Variants in RBMS3 observed in about 807,000 individuals in gnomAD.
RBMS3 encodes the protein RNA-binding motif, single-stranded-interacting protein 3.
Under a neutral mutation model 66.8 loss-of-function variants are expected in RBMS3, and 27 were observed. The ratio of observed to expected loss-of-function variants is 0.40; its 90% CI spans 0.30 to 0.56. RBMS3 has a LOEUF of 0.56. RBMS3 is among the 20% of genes least tolerant of loss of function. The pLI is 0.40. For missense variants in RBMS3, 513 were observed against 549.5 expected, an observed-to-expected ratio of 0.93 and a Z score of 0.66; for synonymous variants, 188 against 183.0, an observed-to-expected ratio of 1.03 and a Z score of -0.22.
chr3:29,605,167 A>G (rs1421589568), intron 4 of RBMS3, among the ~76,000 whole-genome samples: 3 of 151,832 alleles, frequency 2.0e-5, no homozygotes, highest in Non-Finnish European at 4.4e-5. Flanking sequence ...CCTTTGAAAT[A>G]CAATCTGAAA....
At chr3:29,859,974 T>C in intron 6 of RBMS3, among the ~76,000 whole-genome samples, 1 of 152,186 alleles carries the variant, frequency 6.6e-6, no homozygotes, top group Non-Finnish European at 1.5e-5. Context: ...AAAGTGGACG[T>C]TTCCTAACAA....
chr3:29,932,794 T>G (rs2061163676), intron 10 of RBMS3, among the ~76,000 whole-genome samples: 1 of 152,186 alleles, frequency 6.6e-6, no homozygotes, highest in Non-Finnish European at 1.5e-5. Flanking sequence ...TTTCTGGCCT[T>G]AGGTCAGATA....
chr3:29,853,396 AT>A (rs1235133413), intron 6 of RBMS3, among the ~76,000 whole-genome samples: 6 of 124,464 alleles, frequency 4.8e-5, no homozygotes, highest in Non-Finnish European at 1.0e-4. Context: ...TAAAATTCAT[AT>A]TGTATCTTAA....
At chr3:29,857,006 C>T (rs1418052150) in intron 6 of RBMS3, among the ~76,000 whole-genome samples, 2 of 152,112 alleles carry the variant, frequency 1.3e-5, no homozygotes, top group Non-Finnish European at 2.9e-5. Flanking sequence ...AGAAAAAATA[C>T]CATCTCAGGT....
At chr3:29,712,439 A>T (rs1003941832) in intron 4 of RBMS3, among the ~76,000 whole-genome samples, 4 of 152,010 alleles carry the variant, frequency 2.6e-5, no homozygotes, top group Non-Finnish European at 5.9e-5. Context: ...CAGCCTCCCA[A>T]GTAGCTCGGG....
At chr3:29,755,648 C>T (rs1046873185) in intron 5 of RBMS3, among the ~76,000 whole-genome samples, 2 of 152,182 alleles carry the variant, frequency 1.3e-5, no homozygotes, top group Non-Finnish European at 2.9e-5. Flanking sequence ...GCCAGAGCCT[C>T]AGAGGAGGGC....
chr3:29,792,991 C>G (rs891498928), intron 6 of RBMS3, among the ~76,000 whole-genome samples: 1 of 152,106 alleles, frequency 6.6e-6, no homozygotes, highest in Non-Finnish European at 1.5e-5. Flanking sequence ...TTAATCCCAG[C>G]GCTTTGGGAG....
intron 2 of RBMS3, among the ~76,000 whole-genome samples, chr3:29,462,007 A>T (rs2042389204): frequency 7.3e-6 from 1 of 137,614 alleles, no homozygotes; most frequent in Non-Finnish European, 1.5e-5. Flanking sequence ...CGATCTCCTG[A>T]CCTCATGATC....
intron 1 of RBMS3, among the ~76,000 whole-genome samples, chr3:29,301,353 A>G (rs2033658947): frequency 6.6e-6 from 1 of 152,042 alleles, no homozygotes; most frequent in Non-Finnish European, 1.5e-5. Flanking sequence ...ATTGTCTTCA[A>G]CATCATGAGG....
intron 5 of RBMS3, among the ~76,000 whole-genome samples, chr3:29,753,688 G>C (rs531718063): frequency 6.6e-6 from 1 of 152,248 alleles, no homozygotes; most frequent in African/African-American, 2.4e-5. Flanking sequence ...ACTTCTAACA[G>C]CTCTTGCAAA....
chr3:29,523,808 C>T (rs146621671), intron 3 of RBMS3, among the ~76,000 whole-genome samples: 2,917 of 152,154 alleles, frequency 0.019, 43 homozygotes, highest in Middle Eastern at 0.027. Flanking sequence ...AATCATAGCT[C>T]ACTGCAGCCT....
At chr3:29,978,080 C>A (rs1697717885) in intron 12 of RBMS3, among the ~76,000 whole-genome samples, 3 of 152,262 alleles carry the variant, frequency 2.0e-5, no homozygotes, top group African/African-American at 7.2e-5. Context: ...CAGATTTAAC[C>A]AGTGTTTGTG....
chr3:29,419,403 T>C (rs1394154235), intron 1 of RBMS3, among the ~76,000 whole-genome samples: 2 of 152,188 alleles, frequency 1.3e-5, no homozygotes. Context: ...ATTCTAATTA[T>C]CTGTTCTATT....
At chr3:29,830,565 G>A (rs1030987298) in intron 6 of RBMS3, among the ~76,000 whole-genome samples, 1 of 152,148 alleles carries the variant, frequency 6.6e-6, no homozygotes, top group East Asian at 1.9e-4. Context: ...GGGTGTGTAT[G>A]TAATATAGAG....
chr3:29,458,215 A>G (rs1237849330), intron 2 of RBMS3, among the ~76,000 whole-genome samples: 1 of 152,196 alleles, frequency 6.6e-6, no homozygotes, highest in Non-Finnish European at 1.5e-5. Flanking sequence ...TCCAGTATAA[A>G]TTGAAATAAC....
intron 3 of RBMS3, among the ~76,000 whole-genome samples, chr3:29,494,410 A>C (rs1453546613): frequency 1.3e-5 from 2 of 152,176 alleles, no homozygotes; most frequent in Admixed American, 1.3e-4. Flanking sequence ...TGGTGGCTGC[A>C]TCAGCTTTCA....
chr3:29,369,222 A>G (rs896015937), intron 1 of RBMS3, among the ~76,000 whole-genome samples: 2 of 151,986 alleles, frequency 1.3e-5, no homozygotes, highest in Non-Finnish European at 2.9e-5. Context: ...ACTAGACTTA[A>G]CACCTGGGTG....
chr3:29,406,759 T>A (rs1369363241), intron 1 of RBMS3, among the ~76,000 whole-genome samples: 2 of 152,222 alleles, frequency 1.3e-5, no homozygotes, highest in Non-Finnish European at 2.9e-5. Context: ...TAATACTTTT[T>A]TTCATTAAAC....
intron 1 of RBMS3, among the ~76,000 whole-genome samples, chr3:29,390,218 C>A (rs1373438036): frequency 6.6e-6 from 1 of 152,118 alleles, no homozygotes; most frequent in South Asian, 2.1e-4. Context: ...TAGGAATCCC[C>A]CTTTCCCCAT....
Sources: gnomAD v4.1 joint callset for allele counts (sites outside exome capture counted in the v4.1 genomes callset) on GRCh38, gnomAD v4.1.1 for gene constraint, MANE v1.5 for transcripts, NCBI Gene and HGNC (gene_info 2026-07-23, HGNC 2026-07-21) for gene names.